COL23A1: variants seen among roughly 807,000 people sequenced by gnomAD.
The protein encoded by COL23A1 is collagen type XXIII alpha 1 chain, also known as collagen alpha-1(XXIII) chain.
In COL23A1, 97 loss-of-function variants were observed where a neutral mutation model predicts 99.3. The observed-to-expected ratio is 0.98, with a 90% confidence interval of 0.83 to 1.16. The LOEUF (loss-of-function observed/expected upper bound fraction) is 1.16, where lower values mean the gene tolerates loss of function less well. COL23A1 is among the 50% of genes most tolerant of loss of function. The pLI is 0.00. For synonymous variants in COL23A1, 320 were observed against 308.2 expected, an observed-to-expected ratio of 1.04 and a Z score of -0.40; for missense variants, 762 against 757.4, an observed-to-expected ratio of 1.01 and a Z score of -0.07.
In COL23A1 at chr5:178,366,779, T is replaced by C. The variant is rs1039448970; in HGVS notation, c.362-59860A>G. ...TTCTGCTGGTCTAAATCATTATCTA[T>C]TGCTGAGGCTCACAGCAGATGTCGC... On this transcript the variant is annotated intron_variant, in intron 2 of 28. Transcript: ENST00000390654. This position sits in a 1 kb window ranked among gnomAD's most constrained non-coding sequence, Gnocchi z 4.4. Among the ~76,000 whole-genome samples, 4 of 152,344 alleles carry C rather than the reference T, an allele frequency of 2.6e-5. No homozygotes were observed. Among genetic ancestry groups the C allele is most frequent in the Non-Finnish European group, 5.9e-5 (4 of 68,036 alleles).
intron 2 of COL23A1, among the ~76,000 whole-genome samples, chr5:178,495,035 A>C (rs1232149913): frequency 6.6e-6 from 1 of 152,190 alleles, no homozygotes; most frequent in Admixed American, 6.5e-5. Flanking sequence ...AGCTGGGGTC[A>C]CCAGAGACAC....
intron 2 of COL23A1, among the ~76,000 whole-genome samples, chr5:178,370,872 G>A (rs996271455): frequency 2.0e-5 from 3 of 152,162 alleles, no homozygotes; most frequent in African/African-American, 7.2e-5. Flanking sequence ...AGCCCAGGAG[G>A]TCAAGGTTGC....
intron 1 of COL23A1, among the ~76,000 whole-genome samples, chr5:178,564,873 C>T (rs759736054): frequency 3.9e-5 from 6 of 152,116 alleles, no homozygotes; most frequent in Non-Finnish European, 8.8e-5. Context: ...TCCTGTAAAA[C>T]GCTGTAAATA....
intron 2 of COL23A1, among the ~76,000 whole-genome samples, chr5:178,319,963 C>T (rs1256216541): frequency 6.6e-6 from 1 of 152,236 alleles, no homozygotes; most frequent in Non-Finnish European, 1.5e-5. Context: ...CAGGCTTGCC[C>T]TGCCTTGGGG....
intron 2 of COL23A1, among the ~76,000 whole-genome samples, chr5:178,311,127 C>T (rs892966218): frequency 2.6e-5 from 4 of 152,132 alleles, no homozygotes; most frequent in Non-Finnish European, 4.4e-5. Context: ...TGCTGGGGAA[C>T]GACAGTATTT....
intron 2 of COL23A1, among the ~76,000 whole-genome samples, chr5:178,349,692 A>G (rs529833581): frequency 2.6e-5 from 4 of 152,136 alleles, no homozygotes; most frequent in Non-Finnish European, 5.9e-5. Flanking sequence ...ACTCCACACC[A>G]GAGTGTTGAC....
At position 178,237,842 on chromosome 5, in the gene COL23A1, A is replaced by G. The variant is rs13993; in HGVS notation, c.*856T>C. On this transcript the variant is annotated 3_prime_UTR_variant, in exon 29 of 29. Transcript: ENST00000390654. ...CCCACCTAGAGAGCCATTTTTGGCC[A>G]GAGTTCTGGGTGGGAGACTTGGGGC... is the stretch of plus-strand genomic sequence containing the variant. The G allele has an allele frequency of 0.11, 16,897 of 152,342 alleles. 1,223 individuals are homozygous for G. The highest frequency in any genetic ancestry group is 0.2 in the African/African-American group (8,373 of 41,528). 9.4% of individuals were successfully genotyped at this position (152,342 alleles called of 1,614,324 possible).
At chr5:178,585,737 C>A (rs531340142) in intron 1 of COL23A1, among the ~76,000 whole-genome samples, 42 of 128,858 alleles carry the variant, frequency 3.3e-4, no homozygotes, top group African/African-American at 1.4e-3. Flanking sequence ...ACTCCACAGC[C>A]CTGGCTGACC....
chr5:178,358,459 GTA>G (rs1186456202), intron 2 of COL23A1, among the ~76,000 whole-genome samples: 3 of 146,678 alleles, frequency 2.0e-5, no homozygotes, highest in African/African-American at 5.0e-5. Context: ...ATATGTATGC[GTA>G]TGTGTATGTG....
chr5:178,545,118 A>G (rs1761508967), intron 2 of COL23A1, among the ~76,000 whole-genome samples: 1 of 149,380 alleles, frequency 6.7e-6, no homozygotes, highest in African/African-American at 2.5e-5. Flanking sequence ...AAATAAATAA[A>G]GTAGTACATT....
chr5:178,238,491 T>G lies in COL23A1; in HGVS notation c.*207A>C. On this transcript the variant is annotated 3_prime_UTR_variant, in exon 29 of 29. Coordinates refer to ENST00000390654, the MANE Select transcript of COL23A1 (RefSeq NM_173465.4). ...GAAAGCCCAGGCCCAAGGGTGCCCC[T>G]CAGGTACACATCTCCCTGGTCTGGC... is the stretch of plus-strand genomic sequence containing the variant. The G allele has an allele frequency of 1.6e-6, 1 of 630,696 alleles. No individual in the cohort carries two copies. Among genetic ancestry groups the G allele is most frequent in the Admixed American group, 2.9e-5 (1 of 34,556 alleles). The allele number at this position is 630,696 out of a possible 1,614,324, so 39.1% of individuals were successfully genotyped here.
chr5:178,267,454 C>A, intron 7 of COL23A1, 121 bp from the exon 8 acceptor site: 1 of 943,154 alleles, frequency 1.1e-6, no homozygotes. Flanking sequence ...ACAAAAATAG[C>A]AGGCAGGCCC....
rs1758492050 is a variant in COL23A1 at position 178,308,595 on chromosome 5, C to A, written c.362-1676G>T. On this transcript the variant is annotated intron_variant, in intron 2 of 28. Transcript: ENST00000390654. This position sits in a 1 kb window ranked among gnomAD's most constrained non-coding sequence, Gnocchi z 5.1. ...CTTATGAGGCACCTCCAGGCCCATG[C>A]TCCTGGCCGAGGCCTGCGACACCCA... Among the ~76,000 whole-genome samples the A allele has an allele frequency of 1.3e-5, 2 of 152,162 alleles. No homozygotes were observed. Among genetic ancestry groups the A allele is most frequent in the Admixed American group, 1.3e-4 (2 of 15,276 alleles).
At chr5:178,430,979 G>A (rs1237009059) in intron 2 of COL23A1, among the ~76,000 whole-genome samples, 1 of 152,168 alleles carries the variant, frequency 6.6e-6, no homozygotes, top group Non-Finnish European at 1.5e-5. Flanking sequence ...AGGGCAGGGA[G>A]ATGGTGGAGG....
At chr5:178,525,650 CG>C (rs1760258273) in intron 2 of COL23A1, among the ~76,000 whole-genome samples, 1 of 48,166 alleles carries the variant, frequency 2.1e-5, no homozygotes, top group African/African-American at 8.2e-5. Flanking sequence ...TAAGAAATGG[CG>C]ACACAGCGCG....
At chr5:178,404,497 C>G (rs1309313749) in intron 2 of COL23A1, among the ~76,000 whole-genome samples, 3 of 141,514 alleles carry the variant, frequency 2.1e-5, no homozygotes, top group African/African-American at 5.6e-5. Flanking sequence ...ACAACACAGA[C>G]AAAGGCACCA....
At chr5:178,355,779 T>C (rs1581212571) in intron 2 of COL23A1, among the ~76,000 whole-genome samples, 2 of 152,134 alleles carry the variant, frequency 1.3e-5, no homozygotes. Context: ...CTTGTTTGTA[T>C]TTTTTTCTGA....
At position 178,247,551 on chromosome 5, in the gene COL23A1, C is replaced by A. The variant is rs1380745723; in HGVS notation, c.1271G>T (p.Gly424Val). ...CTTGGGACCCTGGATTCCCTGGAGG[C>A]CCTGCAGGAGGAGGAAGCAGATAAG... The part of the protein sequence containing the change: ...PGPPGPPGPM[G>V]LQGIQGPKGL... The change falls in exon 22 of 29, where the codon GGC becomes GTC. Residue 424 changes from glycine to valine, a missense_variant and splice_region_variant. Gly to Val is a moderately radical substitution (Grantham distance 109). Coordinates refer to ENST00000390654, the MANE Select transcript of COL23A1 (RefSeq NM_173465.4). 1 of 1,614,054 alleles carries A rather than the reference C, an allele frequency of 6.2e-7. No homozygotes were observed. The highest frequency in any genetic ancestry group is 8.5e-7 in the Non-Finnish European group (1 of 1,179,906).
chr5:178,465,676 C>T (rs1443942047), intron 2 of COL23A1, among the ~76,000 whole-genome samples: 2 of 152,178 alleles, frequency 1.3e-5, no homozygotes, highest in African/African-American at 2.4e-5. Context: ...CCTTTGGTGT[C>T]GGGAACGCAG....
Sources: gnomAD v4.1 joint callset for allele counts (sites outside exome capture counted in the v4.1 genomes callset) on GRCh38, gnomAD v4.1.1 for gene constraint, Gnocchi (gnomAD v3.1) non-coding constraint, MANE v1.5 for transcripts, NCBI Gene and HGNC (gene_info 2026-07-23, HGNC 2026-07-21) for gene names.